The following DNAJB1 variants were observed in gnomAD, a reference collection of about 807,000 sequenced individuals.
DNAJB1 encodes the protein dnaJ homolog subfamily B member 1.
A neutral mutation model predicts 24.0 loss-of-function variants in DNAJB1; 14 were observed. That is an observed-to-expected ratio of 0.58 (90% confidence interval 0.39 to 0.91). DNAJB1 has a LOEUF of 0.91. Ranked by LOEUF, DNAJB1 falls within the 40% of genes least tolerant of loss-of-function variation. The probability of loss-of-function intolerance (pLI) is 0.00; values close to 1 mark genes in which losing one functional copy is unlikely to be tolerated. For missense variants in DNAJB1, 517 were observed against 458.1 expected (o/e 1.13, Z -1.17); for synonymous variants, 262 against 174.4 (o/e 1.50, Z -3.96).
Position 14,542,347 on chromosome 19 carries a change from GTTTTTTTTTTTTT to G in DNAJB1, c.-214+7848_-214+7860del, listed in dbSNP as rs71166754. Among the ~76,000 whole-genome samples, 102 of 43,308 alleles carry G rather than the reference GTTTTTTTTTTTTT, an allele frequency of 2.4e-3. 1 individual carries two copies. Among genetic ancestry groups the G allele is most frequent in the African/African-American group, 6.9e-3 (85 of 12,330 alleles). The allele number at this position is 43,308 out of a possible 152,430, so 28.4% of individuals were successfully genotyped here. ...CCTCAGGGGGCCCTCATGCCATAGT[GTTTTTTTTTTTTT>G]TTTTTTTTTTTTTTTTCTGAGATGG... On this transcript the variant is annotated intron_variant, in intron 1 of 3. Coordinates refer to the DNAJB1 transcript ENST00000676982.
chr19:14,527,370 T>C (rs949222751), intron 2 of DNAJB1: 2 of 151,602 alleles, frequency 1.3e-5, no homozygotes, highest in African/African-American at 4.8e-5. Flanking sequence ...TTAGTAGAGA[T>C]GGTTTCGCCA....
At chr19:14,556,386 C>T (rs1267419055) in intron 1 of DNAJB1, among the ~76,000 whole-genome samples, 1 of 150,902 alleles carries the variant, frequency 6.6e-6, no homozygotes, top group Non-Finnish European at 1.5e-5. Flanking sequence ...GCATTCCAGC[C>T]TGGGCGACAG....
intron 1 of DNAJB1, chr19:14,517,552 A>C (rs2072292820): frequency 1.3e-5 from 2 of 154,712 alleles, no homozygotes; most frequent in Non-Finnish European, 2.9e-5. Flanking sequence ...AGCCTGAATC[A>C]TCAACGGGCA....
At chr19:14,554,146 T>A (rs2073637935), upstream of DNAJB1, among the ~76,000 whole-genome samples, 1 of 152,168 alleles carries the variant, frequency 6.6e-6, no homozygotes. Flanking sequence ...GCTCTGGGAT[T>A]TACTGCTTAG....
chr19:14,534,408 G>A (rs543407298), upstream of DNAJB1, among the ~76,000 whole-genome samples: 3 of 133,818 alleles, frequency 2.2e-5, no homozygotes, highest in East Asian at 6.8e-4. Flanking sequence ...ACAGGAGTGA[G>A]CCACCATGCC....
intron 2 of DNAJB1, 93 bp from the exon 3 acceptor site, chr19:14,516,263 G>T: frequency 7.0e-7 from 1 of 1,431,456 alleles, no homozygotes. Context: ...GACCCATCAG[G>T]CCTCTGCAGC....
chr19:14,519,374 T>C (rs2072336467), upstream of DNAJB1, among the ~76,000 whole-genome samples: 1 of 152,020 alleles, frequency 6.6e-6, no homozygotes, highest in South Asian at 2.1e-4. Flanking sequence ...GTCTCATAAA[T>C]AAATAAAATA....
intron 1 of DNAJB1, among the ~76,000 whole-genome samples, chr19:14,542,347 G>GTTTTTTTTTTTTTTTTTTTTTTTTTTTT (rs71166754): frequency 2.3e-5 from 1 of 43,282 alleles, no homozygotes; most frequent in Non-Finnish European, 4.4e-5. Context: ...ATGCCATAGT[G>GTTTTTTTTTTTTTTTTTTTTTTTTTTTT]TTTTTTTTTT....
intron 2 of DNAJB1, among the ~76,000 whole-genome samples, chr19:14,525,922 C>T (rs1027480354): frequency 6.6e-6 from 1 of 152,154 alleles, no homozygotes; most frequent in Non-Finnish European, 1.5e-5. Flanking sequence ...CCTGGCTTGT[C>T]TAGTCCCAGC....
chr19:14,550,080 C>G (rs2073444470), intron 1 of DNAJB1, among the ~76,000 whole-genome samples: 1 of 152,076 alleles, frequency 6.6e-6, no homozygotes, highest in Non-Finnish European at 1.5e-5. Flanking sequence ...TTCATTGTCA[C>G]TCTTTCTTTG....
At chr19:14,538,056 T>C (rs1313376574) in intron 1 of DNAJB1, among the ~76,000 whole-genome samples, 1 of 152,182 alleles carries the variant, frequency 6.6e-6, no homozygotes, top group Non-Finnish European at 1.5e-5. Flanking sequence ...TGTGAGTGCT[T>C]CTTATCTAGT....
At chr19:14,533,788 G>T (rs1284395969), upstream of DNAJB1, 1 of 152,202 alleles carries the variant, frequency 6.6e-6, no homozygotes. Flanking sequence ...TCCAGGCCTT[G>T]GCTGAAGCCG....
At chr19:14,543,642 G>T (rs1340919457) in intron 1 of DNAJB1, among the ~76,000 whole-genome samples, 1 of 149,860 alleles carries the variant, frequency 6.7e-6, no homozygotes, top group African/African-American at 2.5e-5. Context: ...GTTTCACCGT[G>T]TTAGCCAGGA....
At chr19:14,526,569 C>T (rs1342451489) in intron 2 of DNAJB1, among the ~76,000 whole-genome samples, 2 of 152,098 alleles carry the variant, frequency 1.3e-5, no homozygotes, top group Non-Finnish European at 2.9e-5. Flanking sequence ...TTGTATGTTC[C>T]GGTTGACACG....
chr19:14,523,534 G>A (rs1159170888), intron 2 of DNAJB1, among the ~76,000 whole-genome samples: 2 of 151,490 alleles, frequency 1.3e-5, no homozygotes, highest in Non-Finnish European at 1.5e-5. Flanking sequence ...GGCTAATCTC[G>A]AACTCCTGAT....
chr19:14,523,911 A>G (rs1418015118), intron 2 of DNAJB1, among the ~76,000 whole-genome samples: 1 of 152,210 alleles, frequency 6.6e-6, no homozygotes, highest in African/African-American at 2.4e-5. Context: ...GGCATAAGCC[A>G]CCATGTCTGG....
rs368275838 is a variant in DNAJB1, at chr19:14,518,322, C to A, written c.28G>T (p.Gly10Cys). The A allele has an allele frequency of 2.1e-5, 33 of 1,603,060 alleles. No individual in the cohort carries two copies. Among genetic ancestry groups the A allele is most frequent in the Admixed American group, 3.4e-5 (2 of 58,718 alleles). Residue 10 changes from glycine (G) to cysteine (C), a missense_variant, in exon 1 of 3, where the codon GGC (glycine) becomes TGC (cysteine). By Grantham distance (159) the Gly-to-Cys change is radical (BLOSUM62 -3). Transcript: ENST00000254322. MGKDYYQTL[G>C]LARGASDEEI... ...TCGTCCGACGCGCCGCGGGCCAGGC[C>A]CAACGTCTGGTAGTAGTCTTTACCC...
At chr19:14,542,559 AC>A (rs2073141794) in intron 1 of DNAJB1, among the ~76,000 whole-genome samples, 1 of 151,152 alleles carries the variant, frequency 6.6e-6, no homozygotes, top group African/African-American at 2.4e-5. Context: ...ATGTTGTTTT[AC>A]TATATTGGCT....
At chr19:14,517,340 T>A (rs1479002801) in intron 1 of DNAJB1, 3 of 354,706 alleles carry the variant, frequency 8.5e-6, no homozygotes, top group East Asian at 4.7e-5. Flanking sequence ...CCTGGCAACA[T>A]CACCAAGAGA....
Sources: gnomAD v4.1 joint callset for allele counts (sites outside exome capture counted in the v4.1 genomes callset) on GRCh38, gnomAD v4.1.1 for gene constraint, MANE v1.5 for transcripts, NCBI Gene and HGNC (gene_info 2026-07-23, HGNC 2026-07-21) for gene names.